Variants in FAM168B observed in about 807,000 individuals in gnomAD.
FAM168B encodes family with sequence similarity 168 member B.
A neutral mutation model predicts 21.8 loss-of-function variants in FAM168B; 19 were observed. The ratio of observed to expected loss-of-function variants is 0.87; its 90% CI spans 0.61 to 1.28. The LOEUF (loss-of-function observed/expected upper bound fraction) is 1.28, where lower values mean the gene tolerates loss of function less well. Ranked by LOEUF, FAM168B falls within the 50% of genes most tolerant of loss-of-function variation. FAM168B has a pLI of 0.00. For missense variants in FAM168B, 233 were observed against 263.1 expected, an observed-to-expected ratio of 0.89 and a Z score of 0.79; for synonymous variants, 126 against 104.8, an observed-to-expected ratio of 1.20 and a Z score of -1.24.
At chr2:131,071,073 T>C (rs1193044377) in intron 3 of FAM168B, among the ~76,000 whole-genome samples, 6 of 152,180 alleles carry the variant, frequency 3.9e-5, no homozygotes, top group Non-Finnish European at 2.9e-5. Context: ...AACGAAGAGA[T>C]GGATGTAAGG....
intron 2 of FAM168B, among the ~76,000 whole-genome samples, chr2:131,078,005 T>C (rs1206210454): frequency 6.6e-6 from 1 of 152,116 alleles, no homozygotes; most frequent in East Asian, 1.9e-4. Context: ...CTGAAATGCA[T>C]CTAAGCCCAG....
rs935123135 is a variant in FAM168B at position 131,050,612 on chromosome 2, C to A, written c.*1853G>T. On this transcript the variant is annotated 3_prime_UTR_variant, in exon 7 of 7. Transcript: ENST00000389915. ...TAAAGAATCTGCTGTTTACAATGAT[C>A]CATGCAAAAATATTCCTAAACTTCT... 2 of 985,400 alleles carry A rather than the reference C, an allele frequency of 2.0e-6. No homozygotes were observed. The highest frequency in any genetic ancestry group is 2.4e-6 in the Non-Finnish European group (2 of 829,646). The allele number at this position is 985,400 out of a possible 1,614,324, so 61.0% of individuals were successfully genotyped here. A position where few individuals can be genotyped will look rare whatever the true frequency, so the allele number is the denominator to read the frequency against.
At chr2:131,065,023 C>T (rs909198124) in intron 3 of FAM168B, among the ~76,000 whole-genome samples, 2 of 152,164 alleles carry the variant, frequency 1.3e-5, no homozygotes, top group Non-Finnish European at 2.9e-5. Context: ...ACAACAGGAT[C>T]GCCGCACAGA....
At chr2:131,057,230 T>C (rs768109743) in intron 3 of FAM168B, among the ~76,000 whole-genome samples, 5 of 152,116 alleles carry the variant, frequency 3.3e-5, no homozygotes, top group Non-Finnish European at 7.4e-5. Context: ...GAAAGACTTG[T>C]AAAAAGTGTT....
chr2:131,081,986 T>TCACC (rs1693453254), intron 2 of FAM168B, among the ~76,000 whole-genome samples: 1 of 152,178 alleles, frequency 6.6e-6, no homozygotes. Context: ...TTGTGCAAAG[T>TCACC]CACCGAAGGG....
chr2:131,065,662 G>A (rs1173678403), intron 3 of FAM168B, among the ~76,000 whole-genome samples: 1 of 151,770 alleles, frequency 6.6e-6, no homozygotes, highest in Non-Finnish European at 1.5e-5. Context: ...GGTGGAGAGC[G>A]CCTGTAATTC....
chr2:131,084,526 G>C (rs533208009), intron 1 of FAM168B, among the ~76,000 whole-genome samples: 8 of 150,368 alleles, frequency 5.3e-5, no homozygotes, highest in Non-Finnish European at 1.0e-4. Flanking sequence ...TCAAAAACTT[G>C]TTAAGTTTTT....
chr2:131,079,911 G>A (rs975377691), intron 2 of FAM168B, among the ~76,000 whole-genome samples: 5 of 152,196 alleles, frequency 3.3e-5, no homozygotes, highest in African/African-American at 1.2e-4. Context: ...GAGGTCAGGA[G>A]TTCTTGATCA....
At position 131,055,282 on chromosome 2, in the gene FAM168B, G is replaced by A; in HGVS notation, c.465C>T (p.Ala155=). Residue 155 remains alanine (A), a synonymous_variant, in exon 5 of 7, where the codon GCC becomes GCT. Coordinates refer to ENST00000389915, the MANE Select transcript of FAM168B (RefSeq NM_001009993.4). Reference sequence around the variant, plus strand: ...GGAACGAGGACTTACCTGCTGACATGGCCATGGTGGTCCCAGCCACCATGC... The same window carrying A: ...GGAACGAGGACTTACCTGCTGACATAGCCATGGTGGTCCCAGCCACCATGC... ...TMGMVAGTTM[A]MSAGTLLTAH... is the part of the protein sequence containing the mutation. The A allele has an allele frequency of 6.4e-7, 1 of 1,572,422 alleles. No homozygotes were observed. The highest frequency in any genetic ancestry group is 8.6e-7 in the Non-Finnish European group (1 of 1,164,568).
At chr2:131,087,941 C>T (rs942221260) in intron 1 of FAM168B, among the ~76,000 whole-genome samples, 3 of 152,086 alleles carry the variant, frequency 2.0e-5, no homozygotes, top group Admixed American at 6.6e-5. Context: ...ATAGCCTAGA[C>T]CAATAATAAT....
In FAM168B at chr2:131,052,059, T is replaced by C; in HGVS notation, c.*406A>G. 1 of 985,820 alleles carries C rather than the reference T, an allele frequency of 1.0e-6. No homozygotes were observed. The highest frequency in any genetic ancestry group is 1.2e-6 in the Non-Finnish European group (1 of 829,942). 61.1% of individuals were successfully genotyped at this position (985,820 alleles called of 1,614,324 possible). On this transcript the variant is annotated 3_prime_UTR_variant, in exon 7 of 7. Coordinates refer to ENST00000389915, the MANE Select transcript of FAM168B (RefSeq NM_001009993.4). The stretch of plus-strand genomic sequence containing the variant: ...CTTTGCATACATTACAACAGTGCAT[T>C]AGTGATACAAGTTGTAAAATACGTT...
intron 1 of FAM168B, among the ~76,000 whole-genome samples, chr2:131,088,120 C>A (rs529890021): frequency 6.6e-6 from 1 of 152,194 alleles, no homozygotes; most frequent in Admixed American, 6.6e-5. Context: ...GTGGCACACA[C>A]CTGTAATCCC....
intron 6 of FAM168B, 128 bp downstream of exon 6, chr2:131,052,763 T>C (rs1691761267): frequency 7.2e-7 from 1 of 1,395,952 alleles, no homozygotes; most frequent in Non-Finnish European, 9.6e-7. Context: ...ATTTAAACAC[T>C]ACATTGCCTC....
At chr2:131,078,066 A>T (rs1693249815) in intron 2 of FAM168B, among the ~76,000 whole-genome samples, 1 of 152,212 alleles carries the variant, frequency 6.6e-6, no homozygotes, top group Non-Finnish European at 1.5e-5. Context: ...CCAGCAAAAG[A>T]AGACATCATC....
intron 2 of FAM168B, among the ~76,000 whole-genome samples, chr2:131,074,154 G>C (rs1295293016): frequency 1.3e-5 from 2 of 151,956 alleles, no homozygotes; most frequent in African/African-American, 4.8e-5. Flanking sequence ...TTTTGAGACA[G>C]AGTCTCGCTC....
At position 131,051,607 on chromosome 2, in the gene FAM168B, G is replaced by A; in HGVS notation, c.*858C>T. On this transcript the variant is annotated 3_prime_UTR_variant, in exon 7 of 7. Coordinates refer to ENST00000389915, the MANE Select transcript of FAM168B (RefSeq NM_001009993.4). ...AGGAAAATAATTTAGTTTTACATAG[G>A]ACTTTTCCAATAAAGACATATAAAA... The A allele has an allele frequency of 1.0e-6, 1 of 985,132 alleles. No homozygotes were observed. Among genetic ancestry groups the A allele is most frequent in the South Asian group, 4.7e-5 (1 of 21,276 alleles). The allele number at this position is 985,132 out of a possible 1,614,324, so 61.0% of individuals were successfully genotyped here.
chr2:131,050,775 G>A lies in FAM168B; in HGVS notation c.*1690C>T. 2.0e-6 allele frequency: 2 copies of A among 985,442 alleles called. No individual in the cohort carries two copies. The highest frequency in any genetic ancestry group is 2.4e-6 in the Non-Finnish European group (2 of 829,956). 61.0% of individuals were successfully genotyped at this position (985,442 alleles called of 1,614,324 possible). A position where few individuals can be genotyped will look rare whatever the true frequency, so the allele number is the denominator to read the frequency against. ...TAGTGGGCATCCTCACTGGGCGCCAGTGCCCTGACCCAGCTACCAGCAAAT... is the reference window on the plus strand; with the variant it reads ...TAGTGGGCATCCTCACTGGGCGCCAATGCCCTGACCCAGCTACCAGCAAAT... On this transcript the variant is annotated 3_prime_UTR_variant, in exon 7 of 7. Transcript: ENST00000389915.
chr2:131,063,203 C>T (rs1350730948), intron 3 of FAM168B, among the ~76,000 whole-genome samples: 1 of 151,646 alleles, frequency 6.6e-6, no homozygotes, highest in East Asian at 1.9e-4. Flanking sequence ...TCTTAGCAGT[C>T]CATATATAGG....
At chr2:131,067,828 C>T (rs1692649794) in intron 3 of FAM168B, among the ~76,000 whole-genome samples, 1 of 152,070 alleles carries the variant, frequency 6.6e-6, no homozygotes, top group African/African-American at 2.4e-5. Context: ...ATTTTTTATA[C>T]TGATAATTTT....
Sources: gnomAD v4.1 joint callset for allele counts (sites outside exome capture counted in the v4.1 genomes callset) on GRCh38, gnomAD v4.1.1 for gene constraint, MANE v1.5 for transcripts, NCBI Gene and HGNC (gene_info 2026-07-23, HGNC 2026-07-21) for gene names.